MYO18B: variants seen among roughly 807,000 people sequenced by gnomAD.
MYO18B encodes the protein unconventional myosin-XVIIIb.
Under a neutral mutation model 273.0 loss-of-function variants are expected in MYO18B, and 204 were observed. The observed-to-expected ratio is 0.75, with a 90% CI of 0.67 to 0.84. The LOEUF (loss-of-function observed/expected upper bound fraction) is 0.84. Ranked by LOEUF, MYO18B falls within the 40% of genes least tolerant of loss-of-function variation. The pLI is 0.00. For missense variants in MYO18B, 3,212 were observed against 3,287.6 expected (o/e 0.98, Z 0.56); for synonymous variants, 1,330 against 1,305.7 (o/e 1.02, Z -0.40).
intron 12 of MYO18B, among the ~76,000 whole-genome samples, chr22:25,822,106 C>T (rs926572651): frequency 6.6e-6 from 1 of 152,182 alleles, no homozygotes; most frequent in African/African-American, 2.4e-5. Flanking sequence ...TCCATTGATT[C>T]TTTAATCCCG....
the MYO18B span, among the ~76,000 whole-genome samples, chr22:26,040,669 A>G: frequency 1.3e-5 from 2 of 152,228 alleles, no homozygotes; most frequent in African/African-American, 4.8e-5. Context: ...AAGTGAAGCA[A>G]CCAGCCTTGT....
At chr22:25,869,650 G>A (rs1403242092) in intron 22 of MYO18B, among the ~76,000 whole-genome samples, 1 of 151,992 alleles carries the variant, frequency 6.6e-6, no homozygotes, top group East Asian at 1.9e-4. Context: ...TGGTGGGAGG[G>A]TTCTGCTCTC....
the MYO18B span, among the ~76,000 whole-genome samples, chr22:26,051,442 C>G: frequency 6.6e-6 from 1 of 152,034 alleles, no homozygotes. Flanking sequence ...CCAGGATGGT[C>G]TCGATCTCTT....
At chr22:25,946,323 TGC>T in intron 35 of MYO18B, 73 bp downstream of exon 35, 2 of 1,043,664 alleles carry the variant, frequency 1.9e-6, no homozygotes, top group Non-Finnish European at 2.9e-6. Context: ...GGGCCTAGTG[TGC>T]GCTCAGCACT....
At chr22:26,017,463 A>G (rs1373965174) in intron 42 of MYO18B, among the ~76,000 whole-genome samples, 1 of 151,734 alleles carries the variant, frequency 6.6e-6, no homozygotes, top group Non-Finnish European at 1.5e-5. Context: ...GCTCTCCTTA[A>G]ATAGTTTCGC....
chr22:25,876,833 A>G (rs1329295798), intron 24 of MYO18B: 2 of 152,226 alleles, frequency 1.3e-5, no homozygotes, highest in East Asian at 1.9e-4. Context: ...GTAGAATACT[A>G]CATATACTCT....
intron 39 of MYO18B, among the ~76,000 whole-genome samples, chr22:25,973,449 A>G (rs757941353): frequency 3.9e-5 from 6 of 152,196 alleles, no homozygotes; most frequent in Non-Finnish European, 7.3e-5. Context: ...GTTTTCTCCC[A>G]TGGGGTGATT....
chr22:25,901,891 C>A (rs1434281309), intron 29 of MYO18B, among the ~76,000 whole-genome samples: 2 of 149,544 alleles, frequency 1.3e-5, no homozygotes, highest in East Asian at 4.0e-4. Context: ...TGGCTCACTG[C>A]AGCCTTGGCC....
intron 10 of MYO18B, among the ~76,000 whole-genome samples, chr22:25,782,670 G>T (rs1260882729): frequency 6.6e-6 from 1 of 152,184 alleles, no homozygotes; most frequent in African/African-American, 2.4e-5. Flanking sequence ...TGGTTACTGT[G>T]CTCTAACCTC....
chr22:25,996,080 A>T (rs986840349), intron 40 of MYO18B, among the ~76,000 whole-genome samples: 3 of 152,238 alleles, frequency 2.0e-5, no homozygotes, highest in African/African-American at 7.2e-5. Flanking sequence ...TTGAGAGGGA[A>T]TAGGCTTTGC....
intron 21 of MYO18B, among the ~76,000 whole-genome samples, chr22:25,855,399 A>T (rs757129311): frequency 1.0e-4 from 15 of 146,888 alleles, no homozygotes; most frequent in Admixed American, 2.1e-4. Context: ...TTCTTCTGCC[A>T]CAGCCTCCTG....
chr22:25,898,761 A>G (rs1277564256), intron 29 of MYO18B: 1 of 316,560 alleles, frequency 3.2e-6, no homozygotes, highest in Admixed American at 4.6e-5. Context: ...GGTTTGTTGC[A>G]GACGGTCAAG....
chr22:25,925,698 A>T (rs1054976544), intron 34 of MYO18B, among the ~76,000 whole-genome samples: 2 of 151,734 alleles, frequency 1.3e-5, no homozygotes, highest in African/African-American at 4.8e-5. Context: ...TGGGGTCAGG[A>T]GTTTGAGACC....
chr22:25,812,359 T>C (rs1232406198), intron 12 of MYO18B, among the ~76,000 whole-genome samples: 11 of 152,154 alleles, frequency 7.2e-5, no homozygotes, highest in Admixed American at 5.2e-4. Context: ...TCTCCCTTCC[T>C]TCTCCACCTC....
intron 33 of MYO18B, among the ~76,000 whole-genome samples, chr22:25,920,703 G>A (rs1056596646): frequency 3.9e-5 from 6 of 152,186 alleles, no homozygotes; most frequent in African/African-American, 1.4e-4. Flanking sequence ...CACAAATACA[G>A]AGTACTCCGT....
chr22:25,785,513 G>A, intron 11 of MYO18B, 22 bp downstream of exon 11: 2 of 1,607,988 alleles, frequency 1.2e-6, no homozygotes, highest in Non-Finnish European at 1.7e-6. Context: ...GTCCCTCACG[G>A]GTGGGATGTG....
intron 20 of MYO18B, 65 bp from the exon 21 acceptor site, chr22:25,851,405 G>GGA (rs2090423085): frequency 1.8e-6 from 2 of 1,117,620 alleles, no homozygotes; most frequent in African/African-American, 3.1e-5. Flanking sequence ...AGGGGTTTAG[G>GGA]GAACTGGGCT....
intron 42 of MYO18B, among the ~76,000 whole-genome samples, chr22:26,025,963 A>G (rs1217277858): frequency 6.6e-6 from 1 of 152,232 alleles, no homozygotes; most frequent in African/African-American, 2.4e-5. Flanking sequence ...TGAAACAATC[A>G]GGGATGTCAT....
At chr22:25,863,183 CTTG>C in intron 21 of MYO18B, among the ~76,000 whole-genome samples, 1 of 152,228 alleles carries the variant, frequency 6.6e-6, no homozygotes, top group South Asian at 2.1e-4. Context: ...TAATTTCTAT[CTTG>C]TTATTGACAT....
Sources: allele counts gnomAD v4.1 joint callset (sites outside exome capture counted in the v4.1 genomes callset), GRCh38; gene constraint gnomAD v4.1.1; transcripts MANE v1.5; gene names NCBI Gene and HGNC (gene_info 2026-07-23, HGNC 2026-07-21).